The following PCDH15 variants were observed in gnomAD, a reference collection of about 807,000 sequenced individuals.
PCDH15 encodes protocadherin-15.
Under a neutral mutation model 178.5 loss-of-function variants are expected in PCDH15, and 129 were observed. The ratio of observed to expected loss-of-function variants is 0.72; its 90% CI spans 0.63 to 0.84. The LOEUF (loss-of-function observed/expected upper bound fraction) is 0.84, where lower values mean the gene tolerates loss of function less well. Among genes scored for constraint, PCDH15 ranks in the 40% least tolerant of loss-of-function variants. The probability of loss-of-function intolerance (pLI) is 0.00; values close to 1 mark genes in which losing one functional copy is unlikely to be tolerated. For missense variants in PCDH15, 2,230 were observed against 2,099.9 expected, an observed-to-expected ratio of 1.06 and a Z score of -1.21; for synonymous variants, 800 against 732.0, an observed-to-expected ratio of 1.09 and a Z score of -1.50.
chr10:54,771,345 T>A (rs979228848), intron 1 of PCDH15, among the ~76,000 whole-genome samples: 1 of 151,824 alleles, frequency 6.6e-6, no homozygotes, highest in African/African-American at 2.4e-5. Context: ...GTCAAAGTGA[T>A]CAATTTAAAG....
rs546132943 is a variant in PCDH15 at position 55,441,702 on chromosome 10, C to A, written c.-156+185923G>T. Among the ~76,000 whole-genome samples the A allele has an allele frequency of 2.0e-5, 3 of 152,234 alleles. No individual in the cohort carries two copies. The East Asian group carries it at 5.8e-4, about 29-fold the overall frequency. On this transcript the variant is annotated intron_variant, in intron 2 of 5. Coordinates refer to the PCDH15 transcript ENST00000613346. The stretch of plus-strand genomic sequence containing the variant: ...CAGAAAAATGAAAATAACAATGATA[C>A]CTGTGATAGAGTGAATGGTGGCTCA...
At chr10:54,441,088 C>T (rs2075765364) in intron 3 of PCDH15, among the ~76,000 whole-genome samples, 1 of 151,788 alleles carries the variant, frequency 6.6e-6, no homozygotes, top group East Asian at 1.9e-4. Flanking sequence ...AATACACAAT[C>T]GCCTGATCAT....
intron 1 of PCDH15, among the ~76,000 whole-genome samples, chr10:54,665,401 A>G (rs577194247): frequency 3.0e-4 from 45 of 152,138 alleles, no homozygotes; most frequent in African/African-American, 1.1e-3. Flanking sequence ...AGCAGGTAAT[A>G]TTGATGTCTC....
intron 1 of PCDH15, among the ~76,000 whole-genome samples, chr10:55,216,607 C>CA (rs900606438): frequency 7.1e-4 from 107 of 151,006 alleles, no homozygotes; most frequent in African/African-American, 2.4e-3. Context: ...GTTCTCATCA[C>CA]AAAAAAAATG....
chr10:54,559,963 T>C (rs965831897), intron 2 of PCDH15, among the ~76,000 whole-genome samples: 2 of 151,734 alleles, frequency 1.3e-5, no homozygotes, highest in Non-Finnish European at 2.9e-5. Flanking sequence ...ATACAGTGTG[T>C]CCCCTTATTT....
chr10:55,496,852 A>G (rs1176955101), intron 2 of PCDH15, among the ~76,000 whole-genome samples: 1 of 151,850 alleles, frequency 6.6e-6, no homozygotes, highest in Non-Finnish European at 1.5e-5. Flanking sequence ...GACTGCTTTC[A>G]TAATTGGCTA....
At chr10:53,825,421 A>G (rs1290417402) in intron 32 of PCDH15, among the ~76,000 whole-genome samples, 1 of 151,826 alleles carries the variant, frequency 6.6e-6, no homozygotes, top group Non-Finnish European at 1.5e-5. Context: ...ATTCACTTCT[A>G]TTAAACCTGG....
chr10:55,328,947 T>G (rs1408325762), intron 2 of PCDH15, among the ~76,000 whole-genome samples: 2 of 126,564 alleles, frequency 1.6e-5, no homozygotes, highest in East Asian at 2.2e-4. Context: ...TATATATATA[T>G]ATAAAATATA....
intron 3 of PCDH15, among the ~76,000 whole-genome samples, chr10:54,517,039 C>T (rs1340416394): frequency 6.6e-6 from 1 of 151,984 alleles, no homozygotes; most frequent in African/African-American, 2.4e-5. Context: ...CAGGCCTGCC[C>T]CAAAAGAGCT....
chr10:54,726,419 GGTGTGTGTGTGTGTGTGT>G (rs72051103), intron 1 of PCDH15, among the ~76,000 whole-genome samples: 4 of 19,462 alleles, frequency 2.1e-4, no homozygotes, highest in South Asian at 1.2e-3. Flanking sequence ...ACCCATCAGG[GGTGTGTGTGTGTGTGTGT>G]GTGTGTGTGT....
chr10:54,191,074 T>C (rs1049520071), intron 11 of PCDH15, among the ~76,000 whole-genome samples: 1 of 152,208 alleles, frequency 6.6e-6, no homozygotes, highest in Non-Finnish European at 1.5e-5. Context: ...TTAGCATCTT[T>C]GAAGCATCTG....
At chr10:55,235,882 G>C (rs1266274159) in intron 1 of PCDH15, among the ~76,000 whole-genome samples, 1 of 143,304 alleles carries the variant, frequency 7.0e-6, no homozygotes, top group Non-Finnish European at 1.5e-5. Context: ...ACTCCAGCCT[G>C]GGCGACAGAG....
At chr10:54,882,731 G>T (rs954254329) in intron 3 of PCDH15, among the ~76,000 whole-genome samples, 3 of 151,862 alleles carry the variant, frequency 2.0e-5, no homozygotes, top group African/African-American at 7.3e-5. Context: ...TTACTTTACA[G>T]TCCACAAAAA....
At chr10:54,146,767 A>G (rs1344808125) in intron 14 of PCDH15, among the ~76,000 whole-genome samples, 1 of 150,834 alleles carries the variant, frequency 6.6e-6, no homozygotes, top group Non-Finnish European at 1.5e-5. Context: ...AAATAATAAT[A>G]TAGAAAACTG....
intron 3 of PCDH15, among the ~76,000 whole-genome samples, chr10:54,395,864 T>G (rs563313727): frequency 6.6e-5 from 10 of 152,272 alleles, no homozygotes; most frequent in African/African-American, 2.4e-4. Flanking sequence ...TTCAATGTAT[T>G]ATTGTAGATA....
At chr10:54,640,016 T>A (rs1033760534) in intron 2 of PCDH15, among the ~76,000 whole-genome samples, 1 of 151,998 alleles carries the variant, frequency 6.6e-6, no homozygotes, top group Non-Finnish European at 1.5e-5. Context: ...GCCCAGGAGG[T>A]CAAAGCTGTA....
At chr10:54,808,085 T>C (rs1952806575) in intron 3 of PCDH15, among the ~76,000 whole-genome samples, 1 of 152,172 alleles carries the variant, frequency 6.6e-6, no homozygotes, top group African/African-American at 2.4e-5. Flanking sequence ...TATCTAAATA[T>C]TATCTTTAGA....
At chr10:53,826,077 A>G (rs1243464171) in intron 32 of PCDH15, among the ~76,000 whole-genome samples, 1 of 151,746 alleles carries the variant, frequency 6.6e-6, no homozygotes, top group African/African-American at 2.4e-5. Flanking sequence ...TGCTTGAGAG[A>G]GGTCATTAAC....
chr10:55,209,935 G>A (rs923281679), intron 1 of PCDH15, among the ~76,000 whole-genome samples: 1 of 152,010 alleles, frequency 6.6e-6, no homozygotes, highest in African/African-American at 2.4e-5. Context: ...GGAGGAACAA[G>A]TGAAAAGATT....
Sources: gnomAD v4.1 joint callset for allele counts (sites outside exome capture counted in the v4.1 genomes callset) on GRCh38, gnomAD v4.1.1 for gene constraint, MANE v1.5 for transcripts, NCBI Gene and HGNC (gene_info 2026-07-23, HGNC 2026-07-21) for gene names.